The following IQSEC1 variants were observed in gnomAD, a reference collection of about 807,000 sequenced individuals.
The protein encoded by IQSEC1 is IQ motif and SEC7 domain-containing protein 1.
A neutral mutation model predicts 91.0 loss-of-function variants in IQSEC1; 31 were observed. That is an observed-to-expected ratio of 0.34 (90% CI 0.26 to 0.46). The LOEUF is 0.46. Ranked by LOEUF, IQSEC1 falls within the 20% of genes least tolerant of loss-of-function variation. IQSEC1 has a pLI of 1.00. For missense variants in IQSEC1, 1,388 were observed against 1,575.6 expected (o/e 0.88, Z 2.02); for synonymous variants, 699 against 662.6 (o/e 1.05, Z -0.84).
At chr3:13,004,121 A>G (rs185136429) in intron 1 of IQSEC1, among the ~76,000 whole-genome samples, 63 of 152,356 alleles carry the variant, frequency 4.1e-4, no homozygotes, top group Non-Finnish European at 6.5e-4. Flanking sequence ...GAATAAATCT[A>G]TAGACCCTGA....
At chr3:13,221,522 C>T (rs1044807008) in intron 1 of IQSEC1, among the ~76,000 whole-genome samples, 7 of 152,216 alleles carry the variant, frequency 4.6e-5, no homozygotes, top group East Asian at 1.9e-4. Context: ...CAACTGCCTG[C>T]GGCCAAGCCC....
chr3:12,948,625 A>G (rs867273542), intron 1 of IQSEC1, among the ~76,000 whole-genome samples: 7 of 152,230 alleles, frequency 4.6e-5, no homozygotes, highest in Admixed American at 4.6e-4. Flanking sequence ...GACTTTTCTC[A>G]AGAAAAATGT....
chr3:13,065,727 C>T (rs1180634810), intron 1 of IQSEC1, among the ~76,000 whole-genome samples: 3 of 152,208 alleles, frequency 2.0e-5, no homozygotes, highest in South Asian at 2.1e-4. Flanking sequence ...AGCAATCCCA[C>T]TTCTGAGTAT....
chr3:12,980,179 C>T (rs1042052825), intron 1 of IQSEC1, among the ~76,000 whole-genome samples: 7 of 152,188 alleles, frequency 4.6e-5, no homozygotes, highest in African/African-American at 1.7e-4. Context: ...TCAAGTGGGC[C>T]CTCTTAGTCC....
intron 13 of IQSEC1, among the ~76,000 whole-genome samples, 180 bp from the exon 14 acceptor site, chr3:12,901,702 C>T (rs1487595818): frequency 6.6e-6 from 1 of 151,898 alleles, no homozygotes; most frequent in Non-Finnish European, 1.5e-5. Context: ...CACTACAGTG[C>T]AGGGCAGCTG....
chr3:13,250,912 C>A (rs1190032047), intron 1 of IQSEC1, among the ~76,000 whole-genome samples: 1 of 152,186 alleles, frequency 6.6e-6, no homozygotes, highest in Non-Finnish European at 1.5e-5. Flanking sequence ...TGAGTCCCTG[C>A]CACATGCAGC....
At position 12,941,611 on chromosome 3, in the gene IQSEC1, G is replaced by A; in HGVS notation, c.278C>T (p.Ser93Phe). ...GTCCGAGGAGAGCTCATAGCTCTCGGAGAGTGAGCGTGAGCGCTTGATGGC... is the reference window on the plus strand; with the variant it reads ...GTCCGAGGAGAGCTCATAGCTCTCGAAGAGTGAGCGTGAGCGCTTGATGGC... Reference protein sequence around the residue: ...EEAIKRSRSLSESYELSSDLQ... With the variant: ...EEAIKRSRSLFESYELSSDLQ... The change falls in exon 2 of 14, where the codon TCC becomes TTC. Residue 93 changes from serine to phenylalanine, a missense_variant. This residue lies in a region of IQSEC1 where 1,059 missense variants were observed against 1,317.8 expected (regional missense o/e 0.80). Coordinates refer to ENST00000613206, the MANE Select transcript of IQSEC1 (RefSeq NM_001134382.3). 1.2e-6 allele frequency: 2 copies of A among 1,607,648 alleles called. No individual in the cohort carries two copies. The highest frequency in any genetic ancestry group is 1.7e-6 in the Non-Finnish European group (2 of 1,176,842).
chr3:13,080,534 C>A (rs999948053), intron 2 of IQSEC1, among the ~76,000 whole-genome samples: 1 of 152,080 alleles, frequency 6.6e-6, no homozygotes, highest in African/African-American at 2.4e-5. Context: ...GCTGGAGGCT[C>A]AGCCCTGCAG....
chr3:13,106,493 T>C (rs181111796), intron 2 of IQSEC1, among the ~76,000 whole-genome samples: 1 of 152,262 alleles, frequency 6.6e-6, no homozygotes, highest in East Asian at 1.9e-4. Context: ...GCCCATGAAA[T>C]TGTACAGATG....
In IQSEC1 at chr3:13,013,533, C is replaced by T. The variant is rs189807856; in HGVS notation, c.23+59459G>A. Among the ~76,000 whole-genome samples, 65 of 152,306 alleles carry T rather than the reference C, an allele frequency of 4.3e-4. 1 individual carries two copies. Among genetic ancestry groups the T allele is most frequent in the Admixed American group, 1.6e-3 (25 of 15,300 alleles). ...CAACCTGCCCTCAGCTGCCTGATGGCCTACAGGTGTTTTCTAATAGGTGAC... is the reference window on the plus strand; with the variant it reads ...CAACCTGCCCTCAGCTGCCTGATGGTCTACAGGTGTTTTCTAATAGGTGAC... On this transcript the variant is annotated intron_variant, in intron 1 of 13. Transcript: ENST00000613206.
In IQSEC1 at chr3:12,994,059, C is replaced by A. The variant is rs1414896855; in HGVS notation, c.24-52194G>T. On this transcript the variant is annotated intron_variant, in intron 1 of 13. Coordinates refer to ENST00000613206, the MANE Select transcript of IQSEC1 (RefSeq NM_001134382.3). The surrounding 1 kb of genome is among the most constrained non-coding windows in gnomAD (Gnocchi z 4.5). ...GCACCGCACCGGTCGCCGGGCGCGTCCCCCGCCGGCCCGCCTCCTACCTCG... is the reference window on the plus strand; with the variant it reads ...GCACCGCACCGGTCGCCGGGCGCGTACCCCGCCGGCCCGCCTCCTACCTCG... 1.4e-5 allele frequency among the ~76,000 whole-genome samples: 2 copies of A among 147,734 alleles called. No individual in the cohort carries two copies. The highest frequency in any genetic ancestry group is 2.1e-4 in the South Asian group (1 of 4,826).
chr3:12,922,278 C>G lies in IQSEC1; in HGVS notation c.1731-36G>C. On this transcript the variant is annotated intron_variant, in intron 4 of 13. Transcript: ENST00000613206. This position sits in a 1 kb window ranked among gnomAD's most constrained non-coding sequence, Gnocchi z 5.1. ...GACAGACAGCCCCGCATAAGCACCC[C>G]TTGCAGGTGCGACACGCCCAGCCCA... 1 of 1,511,506 alleles carries G rather than the reference C, an allele frequency of 6.6e-7. No individual in the cohort carries two copies. Among genetic ancestry groups the G allele is most frequent in the Non-Finnish European group, 8.9e-7 (1 of 1,117,404 alleles). 93.6% of individuals were successfully genotyped at this position (1,511,506 alleles called of 1,614,324 possible). A position where few individuals can be genotyped will look rare whatever the true frequency, so the allele number is the denominator to read the frequency against.
intron 2 of IQSEC1, among the ~76,000 whole-genome samples, chr3:13,110,178 G>A (rs1413871582): frequency 2.0e-5 from 3 of 152,066 alleles, no homozygotes; most frequent in East Asian, 2.0e-4. Context: ...CACGGTACCC[G>A]GCTGGATTAA....
chr3:13,043,611 G>T (rs913041616), intron 1 of IQSEC1, among the ~76,000 whole-genome samples: 2 of 152,052 alleles, frequency 1.3e-5, no homozygotes, highest in Non-Finnish European at 2.9e-5. Flanking sequence ...CCCATCCTCT[G>T]AAAGGATCCT....
intron 1 of IQSEC1, among the ~76,000 whole-genome samples, chr3:13,196,915 G>A (rs2125042938): frequency 6.6e-6 from 1 of 152,184 alleles, no homozygotes; most frequent in African/African-American, 2.4e-5. Flanking sequence ...GAGTCTGTGG[G>A]ATCCGGGTGG....
intron 2 of IQSEC1, among the ~76,000 whole-genome samples, chr3:13,121,954 C>G (rs141158186): frequency 2.3e-3 from 346 of 152,346 alleles, no homozygotes; most frequent in Non-Finnish European, 3.2e-3. Context: ...GATTAAAAGT[C>G]AACACAATGC....
intron 1 of IQSEC1, among the ~76,000 whole-genome samples, chr3:13,251,615 T>C (rs1053757148): frequency 6.6e-6 from 1 of 152,200 alleles, no homozygotes; most frequent in African/African-American, 2.4e-5. Flanking sequence ...GACTGAAATA[T>C]GCCAGCTCAG....
At chr3:13,260,735 G>A (rs1308927759) in intron 1 of IQSEC1, among the ~76,000 whole-genome samples, 2 of 151,988 alleles carry the variant, frequency 1.3e-5, no homozygotes, top group East Asian at 3.9e-4. Flanking sequence ...CCTTGGTGCC[G>A]GCTCCACAGT....
chr3:12,899,129 C>G lies in IQSEC1; in HGVS notation c.*1854G>C, dbSNP rs905891843. The G allele has an allele frequency of 7.5e-6, 4 of 530,510 alleles. No individual in the cohort carries two copies. The highest frequency in any genetic ancestry group is 1.4e-5 in the Non-Finnish European group (4 of 295,002). The allele number at this position is 530,510 out of a possible 1,614,324, so 32.9% of individuals were successfully genotyped here. ...ACAAAGTGCTTGGTTTGCAGATTTG[C>G]TGGTACGGTGATCTCAATGATATGA... On this transcript the variant is annotated 3_prime_UTR_variant, in exon 14 of 14. Coordinates refer to ENST00000613206, the MANE Select transcript of IQSEC1 (RefSeq NM_001134382.3).
Sources: allele counts gnomAD v4.1 joint callset (sites outside exome capture counted in the v4.1 genomes callset), GRCh38; gene constraint gnomAD v4.1.1; regional missense constraint gnomAD v4.1.1; non-coding constraint Gnocchi (gnomAD v3.1); transcripts MANE v1.5; gene names NCBI Gene and HGNC (gene_info 2026-07-23, HGNC 2026-07-21).